SRPX: variants seen among roughly 807,000 people sequenced by gnomAD.
The protein encoded by SRPX is sushi repeat-containing protein SRPX.
SRPX carries 24 observed loss-of-function variants against 38.1 expected under a neutral mutation model. The observed-to-expected ratio is 0.63, with a 90% CI of 0.46 to 0.89. The LOEUF is 0.89. SRPX is among the 40% of genes least tolerant of loss of function. The pLI is 0.00. For synonymous variants in SRPX, 184 were observed against 153.8 expected (o/e 1.20, Z -1.45); for missense variants, 416 against 377.8 (o/e 1.10, Z -0.84).
chrX:38,183,445 T>A (rs1395826009), intron 1 of SRPX, among the ~76,000 whole-genome samples: 1 of 111,947 alleles, frequency 8.9e-6, no homozygotes, highest in East Asian at 2.8e-4. Flanking sequence ...TGAGCTCATA[T>A]ATTAACTTCT....
In SRPX at chrX:38,220,812, C is replaced by G. The variant is rs1395878341; in HGVS notation, c.-20G>C. On this transcript the variant is annotated 5_prime_UTR_variant, in exon 1 of 10. Coordinates refer to ENST00000378533, the MANE Select transcript of SRPX (RefSeq NM_006307.5). Reference sequence around the variant, plus strand: ...CCCCATGGCGAGCGGGCGCTTAGCTCGCCTCGGCAGCGCAGCGCGCTTCCC... The same window carrying G: ...CCCCATGGCGAGCGGGCGCTTAGCTGGCCTCGGCAGCGCAGCGCGCTTCCC... 7.4e-6 allele frequency: 8 copies of G among 1,080,511 alleles called. No homozygotes were observed. The highest frequency in any genetic ancestry group is 9.5e-6 in the Non-Finnish European group (8 of 839,959). 89.0% of individuals were successfully genotyped at this position (1,080,511 alleles called of 1,213,427 possible). A position where few individuals can be genotyped will look rare whatever the true frequency, so the allele number is the denominator to read the frequency against.
intron 1 of SRPX, among the ~76,000 whole-genome samples, chrX:38,201,688 G>T (rs1034010456): frequency 2.7e-5 from 3 of 111,075 alleles, no homozygotes; most frequent in Non-Finnish European, 5.7e-5. Context: ...GTGCGGTGGT[G>T]GGTGCCTATA....
chrX:38,179,585 C>G (rs1938629966), intron 1 of SRPX, among the ~76,000 whole-genome samples: 1 of 111,775 alleles, frequency 8.9e-6, no homozygotes, highest in Non-Finnish European at 1.9e-5. Context: ...AATCCCCATG[C>G]AGCTAATGAG....
At chrX:38,202,715 C>T (rs971332373) in intron 1 of SRPX, among the ~76,000 whole-genome samples, 1 of 112,216 alleles carries the variant, frequency 8.9e-6, no homozygotes, top group African/African-American at 3.2e-5. Context: ...TAACTCTACA[C>T]ATAACTTTGA....
intron 1 of SRPX, among the ~76,000 whole-genome samples, chrX:38,211,767 C>G (rs1406108016): frequency 9.0e-6 from 1 of 111,100 alleles, no homozygotes; most frequent in Non-Finnish European, 1.9e-5. Flanking sequence ...ACTTACCCAA[C>G]TCCCTGAAAA....
At chrX:38,154,236 G>A (rs1415095569) in intron 9 of SRPX, among the ~76,000 whole-genome samples, 1 of 111,315 alleles carries the variant, frequency 9.0e-6, no homozygotes, top group African/African-American at 3.3e-5. Flanking sequence ...AAGCAAAAAC[G>A]GTTGGTTGGA....
intron 1 of SRPX, among the ~76,000 whole-genome samples, chrX:38,201,550 G>A (rs368430510): frequency 8.9e-6 from 1 of 112,021 alleles, no homozygotes; most frequent in African/African-American, 3.2e-5. Context: ...AAGAATTTGG[G>A]GCCGGGCATG....
chrX:38,172,101 T>C, intron 3 of SRPX, 44 bp from the exon 4 acceptor site: 2 of 1,159,855 alleles, frequency 1.7e-6, no homozygotes, highest in Non-Finnish European at 2.3e-6. Context: ...TTAGTTTTTG[T>C]CTATAGAGTT....
chrX:38,149,599 A>G lies in SRPX; in HGVS notation c.*112T>C. ...GCAAAGAAAGCTCATAATAAAATAG[A>G]CTTTTAAAATTACAAATAAAATCTG... On this transcript the variant is annotated 3_prime_UTR_variant, in exon 10 of 10. Transcript: ENST00000378533. The G allele has an allele frequency of 1.3e-6, 1 of 767,971 alleles. No individual in the cohort carries two copies. The highest frequency in any genetic ancestry group is 2.1e-5 in the African/African-American group (1 of 47,236). 63.3% of individuals were successfully genotyped at this position (767,971 alleles called of 1,213,427 possible).
intron 1 of SRPX, among the ~76,000 whole-genome samples, chrX:38,218,048 G>C (rs1163194462): frequency 8.9e-6 from 1 of 111,965 alleles, no homozygotes; most frequent in East Asian, 2.8e-4. Context: ...ACCTGAGCTA[G>C]GTGCTCCATT....
chrX:38,181,852 G>A, intron 1 of SRPX, among the ~76,000 whole-genome samples: 1 of 111,059 alleles, frequency 9.0e-6, no homozygotes, highest in Non-Finnish European at 1.9e-5. Context: ...CCTAACACAG[G>A]GCACACTGCT....
At chrX:38,169,127 A>G (rs1455691476) in intron 4 of SRPX, among the ~76,000 whole-genome samples, 4 of 112,871 alleles carry the variant, frequency 3.5e-5, no homozygotes, top group African/African-American at 1.3e-4. Flanking sequence ...CAAATCATGT[A>G]AGGGAAAAAG....
At chrX:38,213,622 G>A (rs546361531) in intron 1 of SRPX, among the ~76,000 whole-genome samples, 19 of 111,782 alleles carry the variant, frequency 1.7e-4, no homozygotes, top group East Asian at 8.4e-4. Flanking sequence ...TGCTGTATTC[G>A]TCCATTTTTG....
chrX:38,156,816 G>A, intron 8 of SRPX, 80 bp downstream of exon 8: 2 of 1,097,539 alleles, frequency 1.8e-6, no homozygotes, highest in Non-Finnish European at 2.4e-6. Context: ...CACTGAATCT[G>A]GCCTTTGCTT....
chrX:38,183,696 T>C (rs1000128605), intron 1 of SRPX, among the ~76,000 whole-genome samples: 2 of 112,042 alleles, frequency 1.8e-5, no homozygotes, highest in African/African-American at 6.5e-5. Context: ...TATAAAAGGC[T>C]ATCCCTCTAG....
At chrX:38,208,782 G>A (rs140094383) in intron 1 of SRPX, among the ~76,000 whole-genome samples, 1,233 of 108,347 alleles carry the variant, frequency 0.011, 8 homozygotes, top group Middle Eastern at 0.029. Context: ...GGGTTCAAGC[G>A]ATCCTCCCAC....
chrX:38,157,998 A>G (rs763363916), intron 7 of SRPX, among the ~76,000 whole-genome samples: 1 of 112,632 alleles, frequency 8.9e-6, no homozygotes, highest in South Asian at 3.7e-4. Context: ...GCTCTCAGAC[A>G]GACAGACCCA....
Position 38,155,242 on chromosome X carries a change from G to A in SRPX, c.1090-659C>T, listed in dbSNP as rs771889370. Among the ~76,000 whole-genome samples, 10 of 112,355 alleles carry A rather than the reference G, an allele frequency of 8.9e-5. No homozygotes were observed. In the South Asian group the frequency reaches 1.1e-3, roughly 12 times the overall value. The stretch of plus-strand genomic sequence containing the variant: ...TGTTTTACCAAAATTCCACTGAAAC[G>A]TCCCTATATGAGGTTACAGAACTGG... On this transcript the variant is annotated intron_variant, in intron 8 of 9. Coordinates refer to ENST00000378533, the MANE Select transcript of SRPX (RefSeq NM_006307.5).
At chrX:38,199,362 C>T (rs34044602) in intron 1 of SRPX, among the ~76,000 whole-genome samples, 4 of 110,937 alleles carry the variant, frequency 3.6e-5, no homozygotes, top group African/African-American at 6.6e-5. Context: ...GCCGAGATCG[C>T]GCCACTGCAC....
Sources: allele counts gnomAD v4.1 joint callset (sites outside exome capture counted in the v4.1 genomes callset), GRCh38; gene constraint gnomAD v4.1.1; transcripts MANE v1.5; gene names NCBI Gene and HGNC (gene_info 2026-07-23, HGNC 2026-07-21).